NAALADL2: variants seen among roughly 807,000 people sequenced by gnomAD.
NAALADL2 encodes N-acetylated alpha-linked acidic dipeptidase like 2.
NAALADL2 carries 76 observed loss-of-function variants against 87.2 expected under a neutral mutation model. The observed-to-expected ratio is 0.87, with a 90% CI of 0.72 to 1.05. The LOEUF (loss-of-function observed/expected upper bound fraction) is 1.05. Among genes scored for constraint, NAALADL2 ranks in the 50% least tolerant of loss-of-function variants. The probability of loss-of-function intolerance (pLI) is 0.00; values close to 1 mark genes in which losing one functional copy is unlikely to be tolerated. For synonymous variants in NAALADL2, 354 were observed against 331.0 expected (o/e 1.07, Z -0.75); for missense variants, 1,089 against 945.8 (o/e 1.15, Z -1.99).
chr3:174,848,162 T>A (rs1310821286), intron 3 of NAALADL2, among the ~76,000 whole-genome samples: 2 of 152,174 alleles, frequency 1.3e-5, no homozygotes, highest in African/African-American at 4.8e-5. Flanking sequence ...AATGTATTTG[T>A]AACATTTTAT....
chr3:174,779,330 T>A (rs546978316), intron 3 of NAALADL2, among the ~76,000 whole-genome samples: 1 of 152,154 alleles, frequency 6.6e-6, no homozygotes, highest in Non-Finnish European at 1.5e-5. Context: ...GGGTTGTTTT[T>A]TTCTTGTAAA....
chr3:175,485,183 T>C (rs1727068570), intron 9 of NAALADL2, among the ~76,000 whole-genome samples: 1 of 152,172 alleles, frequency 6.6e-6, no homozygotes, highest in Non-Finnish European at 1.5e-5. Flanking sequence ...ATGTACTGAA[T>C]GTTTGTGTTT....
chr3:175,619,384 G>A (rs1725879453), intron 10 of NAALADL2, among the ~76,000 whole-genome samples: 1 of 150,854 alleles, frequency 6.6e-6, no homozygotes, highest in Non-Finnish European at 1.5e-5. Flanking sequence ...TAACAAGATT[G>A]CCTCCCAAAA....
chr3:174,997,119 A>G (rs1236153596), intron 1 of NAALADL2, among the ~76,000 whole-genome samples: 1 of 150,488 alleles, frequency 6.6e-6, no homozygotes, highest in African/African-American at 2.4e-5. Flanking sequence ...TAGCTTTGCA[A>G]TTGAGAATTG....
chr3:175,313,715 T>C (rs759255936), intron 4 of NAALADL2, among the ~76,000 whole-genome samples: 1 of 152,112 alleles, frequency 6.6e-6, no homozygotes, highest in Non-Finnish European at 1.5e-5. Flanking sequence ...CGAGAAAATA[T>C]GTTTTGGTTA....
chr3:175,713,448 T>C (rs1292311976), intron 11 of NAALADL2, among the ~76,000 whole-genome samples: 2 of 152,164 alleles, frequency 1.3e-5, no homozygotes, highest in African/African-American at 2.4e-5. Context: ...TTCTTCAGAA[T>C]GTCTTTTACT....
intron 3 of NAALADL2, among the ~76,000 whole-genome samples, chr3:174,794,972 C>A: frequency 8.5e-6 from 1 of 117,336 alleles, no homozygotes; most frequent in East Asian, 2.4e-4. Flanking sequence ...GTTGAAACTT[C>A]TAGTCCAGCT....
chr3:175,107,509 CAT>C (rs200241215), intron 2 of NAALADL2, among the ~76,000 whole-genome samples: 3,087 of 112,284 alleles, frequency 0.027, 82 homozygotes, highest in African/African-American at 0.099. Flanking sequence ...CGAACACACA[CAT>C]ACACACACAC....
chr3:175,213,811 G>A (rs1742112133), intron 2 of NAALADL2, among the ~76,000 whole-genome samples: 1 of 152,092 alleles, frequency 6.6e-6, no homozygotes, highest in South Asian at 2.1e-4. Flanking sequence ...TTAGTAAGAG[G>A]CAGAGTAGAT....
chr3:175,177,160 G>A (rs1021271792), intron 2 of NAALADL2, among the ~76,000 whole-genome samples: 22 of 152,008 alleles, frequency 1.4e-4, no homozygotes, highest in African/African-American at 5.3e-4. Flanking sequence ...CTCCCCATAT[G>A]CTCCAGCTTC....
At chr3:175,302,383 G>C (rs1757188637) in intron 4 of NAALADL2, among the ~76,000 whole-genome samples, 1 of 152,142 alleles carries the variant, frequency 6.6e-6, no homozygotes. Flanking sequence ...TGATAGTCCA[G>C]TTGGGGCTTA....
rs55668165 is a variant in NAALADL2, at chr3:175,762,192, A to ATTTTTTTTTTTTTT, written c.2189+6776_2189+6789dup. On this transcript the variant is annotated intron_variant, in intron 13 of 13. Coordinates refer to ENST00000454872, the MANE Select transcript of NAALADL2 (RefSeq NM_207015.3). ...TGAAAAGGATAAGGTCTGTGTTTCG[A>ATTTTTTTTTTTTTT]TTTTTTTTTTTTTTTGCATGTAGAT... 2.5e-4 allele frequency among the ~76,000 whole-genome samples: 29 copies of ATTTTTTTTTTTTTT among 114,112 alleles called. 2 individuals are homozygous for ATTTTTTTTTTTTTT. The highest frequency in any genetic ancestry group is 7.4e-3 in the Middle Eastern group (1 of 136). The allele number at this position is 114,112 out of a possible 152,430, so 74.9% of individuals were successfully genotyped here.
Position 175,565,826 on chromosome 3 carries a change from C to CCA in NAALADL2, c.1654-10214_1654-10213insAC, listed in dbSNP as rs1394686405. On this transcript the variant is annotated intron_variant, in intron 9 of 13. Coordinates refer to ENST00000454872, the MANE Select transcript of NAALADL2 (RefSeq NM_207015.3). ...GTCCAAACAAAAAACAAAAGCCCCC[C>CCA]CCCTTTTTTTTTTTTTTTTTTGAGA... is the stretch of plus-strand genomic sequence containing the variant. 2.7e-4 allele frequency among the ~76,000 whole-genome samples: 37 copies of CCA among 137,108 alleles called. 1 individual carries two copies. The highest frequency in any genetic ancestry group is 7.2e-3 in the Middle Eastern group (2 of 278). The allele number at this position is 137,108 out of a possible 152,430, so 89.9% of individuals were successfully genotyped here.
intron 5 of NAALADL2, among the ~76,000 whole-genome samples, chr3:175,339,466 A>C (rs944088851): frequency 3.3e-5 from 5 of 152,228 alleles, no homozygotes; most frequent in African/African-American, 4.8e-5. Flanking sequence ...AAAATAAAGA[A>C]ATACAAGTCT....
intron 4 of NAALADL2, among the ~76,000 whole-genome samples, chr3:175,264,986 A>G (rs1280579234): frequency 6.6e-6 from 1 of 151,666 alleles, no homozygotes; most frequent in African/African-American, 2.4e-5. Flanking sequence ...AATTGAAATA[A>G]TATAATACAT....
At chr3:175,218,604 C>G (rs1742892771) in intron 2 of NAALADL2, among the ~76,000 whole-genome samples, 1 of 152,016 alleles carries the variant, frequency 6.6e-6, no homozygotes, top group African/African-American at 2.4e-5. Flanking sequence ...TCAAATATAA[C>G]AGTTATTTTC....
chr3:175,229,392 G>A (rs1295638020), intron 2 of NAALADL2, among the ~76,000 whole-genome samples: 1 of 151,938 alleles, frequency 6.6e-6, no homozygotes, highest in African/African-American at 2.4e-5. Flanking sequence ...CCAGCAATAG[G>A]AAATATTTTA....
At chr3:175,158,691 G>T (rs557560989) in intron 2 of NAALADL2, among the ~76,000 whole-genome samples, 17 of 151,964 alleles carry the variant, frequency 1.1e-4, no homozygotes, top group Non-Finnish European at 2.2e-4. Context: ...AAATATAAAT[G>T]TAAATAGCAA....
At chr3:175,371,698 C>A (rs574910504) in intron 5 of NAALADL2, among the ~76,000 whole-genome samples, 1 of 151,632 alleles carries the variant, frequency 6.6e-6, no homozygotes, top group Admixed American at 6.6e-5. Flanking sequence ...GGTGCAGGGG[C>A]CTGTAATCCC....
Sources: gnomAD v4.1 joint callset for allele counts (sites outside exome capture counted in the v4.1 genomes callset) on GRCh38, gnomAD v4.1.1 for gene constraint, MANE v1.5 for transcripts, NCBI Gene and HGNC (gene_info 2026-07-23, HGNC 2026-07-21) for gene names.